GRHL2: variants seen among roughly 807,000 people sequenced by gnomAD.
GRHL2 encodes the protein grainyhead-like protein 2 homolog.
GRHL2 carries 21 observed loss-of-function variants against 83.8 expected under a neutral mutation model. The ratio of observed to expected loss-of-function variants is 0.25; its 90% CI spans 0.18 to 0.36. The LOEUF is 0.36. Ranked by LOEUF, GRHL2 falls within the 10% of genes least tolerant of loss-of-function variation. The pLI, the probability that GRHL2 is intolerant of heterozygous loss-of-function variation, is 1.00. For synonymous variants in GRHL2, 280 were observed against 278.9 expected (o/e 1.00, Z -0.04); for missense variants, 623 against 781.8 (o/e 0.80, Z 2.42).
At chr8:101,680,565 A>T in the GRHL2 span, among the ~76,000 whole-genome samples, 1 of 119,408 alleles carries the variant, frequency 8.4e-6, no homozygotes, top group African/African-American at 3.5e-5. Flanking sequence ...TCAGCTCTGC[A>T]CCAAGTGGAC....
intron 8 of GRHL2, 106 bp downstream of exon 8, chr8:101,599,257 G>T (rs761773496): frequency 8.8e-6 from 7 of 793,058 alleles, no homozygotes; most frequent in Non-Finnish European, 1.5e-5. Context: ...AAAAAGAAAT[G>T]AACCTTTCAT....
At position 101,492,564 on chromosome 8, in the gene GRHL2, C is replaced by A. The variant is rs541963520; in HGVS notation, c.-206C>A. Reference sequence around the variant, plus strand: ...CTCGGGCCCCATGTGAGGGGCCCCCCCTTATCCCACCTTTCCGGCTAGGTG... The same window carrying A: ...CTCGGGCCCCATGTGAGGGGCCCCCACTTATCCCACCTTTCCGGCTAGGTG... On this transcript the variant is annotated 5_prime_UTR_variant, in exon 1 of 16. Transcript: ENST00000646743. The A allele has an allele frequency of 1.6e-5, 11 of 669,888 alleles. No individual in the cohort carries two copies. The East Asian group carries it at 2.7e-4, about 17-fold the overall frequency. The allele number at this position is 669,888 out of a possible 1,614,324, so 41.5% of individuals were successfully genotyped here.
At chr8:101,632,203 T>C (rs767597175) in intron 10 of GRHL2, 23 bp from the exon 11 acceptor site, 1 of 1,613,678 alleles carries the variant, frequency 6.2e-7, no homozygotes, top group Non-Finnish European at 8.5e-7. Context: ...CTCTCATTTA[T>C]GAGTTTGTGT....
chr8:101,582,636 A>T (rs1812080284), intron 7 of GRHL2, among the ~76,000 whole-genome samples: 1 of 152,086 alleles, frequency 6.6e-6, no homozygotes, highest in Admixed American at 6.5e-5. Flanking sequence ...GATTCTTGAC[A>T]CCTCAGTCCT....
At chr8:101,517,611 A>T (rs1024812045) in intron 1 of GRHL2, among the ~76,000 whole-genome samples, 1 of 152,226 alleles carries the variant, frequency 6.6e-6, no homozygotes, top group Non-Finnish European at 1.5e-5. Flanking sequence ...GAGTCTGTGT[A>T]GTTAAAAAAA....
chr8:101,572,470 T>A (rs1365755753), intron 5 of GRHL2, among the ~76,000 whole-genome samples: 1 of 152,218 alleles, frequency 6.6e-6, no homozygotes, highest in African/African-American at 2.4e-5. Context: ...TACAGGAATA[T>A]TTAACATAGA....
At chr8:101,673,859 C>G (rs1814248888), downstream of GRHL2, among the ~76,000 whole-genome samples, 1 of 152,148 alleles carries the variant, frequency 6.6e-6, no homozygotes, top group South Asian at 2.1e-4. Context: ...CAAACTGTCT[C>G]TCAGACCACA....
At chr8:101,662,350 C>T (rs945329904) in intron 14 of GRHL2, among the ~76,000 whole-genome samples, 7 of 152,216 alleles carry the variant, frequency 4.6e-5, no homozygotes, top group Admixed American at 1.3e-4. Context: ...TCCTTCTGCT[C>T]GCCCAGCTCT....
At chr8:101,539,657 A>G (rs907930832) in intron 1 of GRHL2, among the ~76,000 whole-genome samples, 2 of 152,238 alleles carry the variant, frequency 1.3e-5, no homozygotes, top group African/African-American at 4.8e-5. Context: ...AATTTTTCTA[A>G]TGGACTCTCC....
chr8:101,668,811 T>A lies in GRHL2; in HGVS notation c.*2108T>A, dbSNP rs1174013984. 5.3e-5 allele frequency: 8 copies of A among 152,126 alleles called. No homozygotes were observed. In the East Asian group the frequency reaches 1.5e-3, roughly 29 times the overall value. 9.4% of individuals were successfully genotyped at this position (152,126 alleles called of 1,614,324 possible). On this transcript the variant is annotated 3_prime_UTR_variant, in exon 16 of 16. Transcript: ENST00000646743. ...CGGACTGGGGCATAGGACTCCAGAG[T>A]AGGAAAAAGACAAAAGATTTGGCAG...
intron 14 of GRHL2, among the ~76,000 whole-genome samples, chr8:101,659,205 T>G (rs1263567367): frequency 6.6e-6 from 1 of 152,220 alleles, no homozygotes; most frequent in East Asian, 1.9e-4. Context: ...CATCAGCATT[T>G]TGGAACATCT....
intron 7 of GRHL2, among the ~76,000 whole-genome samples, chr8:101,587,826 AC>A (rs1454862827): frequency 1.3e-5 from 2 of 152,202 alleles, no homozygotes; most frequent in East Asian, 3.8e-4. Flanking sequence ...CTATTCAGCC[AC>A]CCTCTAGCAT....
intron 7 of GRHL2, among the ~76,000 whole-genome samples, chr8:101,590,739 T>C (rs927171534): frequency 6.6e-6 from 1 of 152,148 alleles, no homozygotes; most frequent in African/African-American, 2.4e-5. Flanking sequence ...GCCCCAAATA[T>C]ATAAACTATG....
intron 14 of GRHL2, among the ~76,000 whole-genome samples, chr8:101,657,684 C>CA (rs1299519553): frequency 1.3e-5 from 2 of 151,682 alleles, no homozygotes; most frequent in Non-Finnish European, 2.9e-5. Flanking sequence ...ACTAAAAATA[C>CA]AAAAAATTAG....
chr8:101,498,936 A>G (rs1043272050), intron 1 of GRHL2, among the ~76,000 whole-genome samples: 6 of 152,074 alleles, frequency 3.9e-5, no homozygotes, highest in African/African-American at 1.2e-4. Flanking sequence ...TTAGCCAGGC[A>G]TGGTGGCGGG....
chr8:101,536,128 A>G (rs1029514011), intron 1 of GRHL2, among the ~76,000 whole-genome samples: 1 of 152,190 alleles, frequency 6.6e-6, no homozygotes, highest in African/African-American at 2.4e-5. Flanking sequence ...CTGCAGAGAA[A>G]ATGGCTTAAT....
At position 101,609,779 on chromosome 8, in the gene GRHL2, T is replaced by G. The variant is rs895335070; in HGVS notation, c.1099-9760T>G. Among the ~76,000 whole-genome samples the G allele has an allele frequency of 3.3e-5, 5 of 151,030 alleles. 1 individual carries two copies. The highest frequency in any genetic ancestry group is 1.2e-4 in the African/African-American group (5 of 40,376). On this transcript the variant is annotated intron_variant, in intron 8 of 15. Transcript: ENST00000646743. Reference sequence around the variant, plus strand: ...GTGTATTTGTATTTGCATAACATGTTTCTAGAAGGATACTCAAGAAATTGT... The same window carrying G: ...GTGTATTTGTATTTGCATAACATGTGTCTAGAAGGATACTCAAGAAATTGT...
At chr8:101,568,569 C>T (rs542017611) in intron 4 of GRHL2, among the ~76,000 whole-genome samples, 41 of 152,082 alleles carry the variant, frequency 2.7e-4, no homozygotes, top group African/African-American at 9.4e-4. Flanking sequence ...TCATATATAG[C>T]CATTTTCTGT....
At chr8:101,620,974 A>C (rs1446679635) in intron 9 of GRHL2, among the ~76,000 whole-genome samples, 1 of 152,174 alleles carries the variant, frequency 6.6e-6, no homozygotes, top group African/African-American at 2.4e-5. Flanking sequence ...GAGTTGAAAA[A>C]AAAAGGTGAA....
Sources: allele counts gnomAD v4.1 joint callset (sites outside exome capture counted in the v4.1 genomes callset), GRCh38; gene constraint gnomAD v4.1.1; transcripts MANE v1.5; gene names NCBI Gene and HGNC (gene_info 2026-07-23, HGNC 2026-07-21).